Variants in LRFN2 observed in about 807,000 individuals in gnomAD.
The protein encoded by LRFN2 is leucine-rich repeat and fibronectin type-III domain-containing protein 2.
A neutral mutation model predicts 37.3 loss-of-function variants in LRFN2; 18 were observed. The observed-to-expected ratio is 0.48, with a 90% confidence interval of 0.33 to 0.72. The LOEUF (loss-of-function observed/expected upper bound fraction) is 0.72. Ranked by LOEUF, LRFN2 falls within the 30% of genes least tolerant of loss-of-function variation. LRFN2 has a pLI of 0.02. For synonymous variants in LRFN2, 556 were observed against 466.6 expected, an observed-to-expected ratio of 1.19 and a Z score of -2.47; for missense variants, 1,006 against 1,060.7, an observed-to-expected ratio of 0.95 and a Z score of 0.72.
At chr6:40,422,426 A>G (rs751586882) in intron 2 of LRFN2, among the ~76,000 whole-genome samples, 2 of 152,120 alleles carry the variant, frequency 1.3e-5, no homozygotes, top group Non-Finnish European at 2.9e-5. Flanking sequence ...CACCAACCCA[A>G]GCTGACTCAG....
At chr6:40,433,192 G>T in intron 1 of LRFN2, 61 bp from the exon 2 acceptor site, 1 of 1,398,704 alleles carries the variant, frequency 7.1e-7, no homozygotes, top group Non-Finnish European at 9.6e-7. Flanking sequence ...CTCACCCAGA[G>T]CTTCCTCCCT....
chr6:40,391,695 G>T lies in LRFN2; in HGVS notation c.*248C>A, dbSNP rs901992128. 1 of 389,410 alleles carries T rather than the reference G, an allele frequency of 2.6e-6. No individual in the cohort carries two copies. The highest frequency in any genetic ancestry group is 3.9e-5 in the East Asian group (1 of 25,564). 24.1% of individuals were successfully genotyped at this position (389,410 alleles called of 1,614,324 possible). A position where few individuals can be genotyped will look rare whatever the true frequency, so the allele number is the denominator to read the frequency against. ...TTTGTGATTAGAAAGGCGGAGTCTC[G>T]CCTTTCCAAACACTCAGGGCTCAGT... On this transcript the variant is annotated 3_prime_UTR_variant, in exon 3 of 3. Transcript: ENST00000338305.
chr6:40,577,099 T>TC lies in LRFN2; in HGVS notation c.-19+9841_-19+9842insG, dbSNP rs1242459420. On this transcript the variant is annotated intron_variant, in intron 1 of 2. Transcript: ENST00000338305. ...GCCCATTTTCTTTTCTTTTCTTTTC[T>TC]TTTCCTTTCTTTTCTTTTTAGATAT... is the stretch of plus-strand genomic sequence containing the variant. 2.0e-4 allele frequency among the ~76,000 whole-genome samples: 9 copies of TC among 45,002 alleles called. 1 individual carries two copies. Among genetic ancestry groups the TC allele is most frequent in the African/African-American group, 5.5e-4 (5 of 9,170 alleles). The allele number at this position is 45,002 out of a possible 152,430, so 29.5% of individuals were successfully genotyped here.
At chr6:40,436,100 T>C (rs1156829950) in intron 1 of LRFN2, among the ~76,000 whole-genome samples, 1 of 152,222 alleles carries the variant, frequency 6.6e-6, no homozygotes, top group African/African-American at 2.4e-5. Context: ...TAACTAGCTA[T>C]ATCAAAATAT....
At chr6:40,562,827 G>GCACACA (rs1475976500) in intron 1 of LRFN2, among the ~76,000 whole-genome samples, 82 of 148,090 alleles carry the variant, frequency 5.5e-4, no homozygotes, top group Admixed American at 8.0e-4. Context: ...TTATGTGCGT[G>GCACACA]CACTCACTCA....
rs949105430 is a variant in LRFN2, at chr6:40,409,894, G to A, written c.1401-16982C>T. ...GCTGAGTTGCTGCATCATCCTGCCT[G>A]CTGCCTCACCCCACGGAGAGTTGCC... On this transcript the variant is annotated intron_variant, in intron 2 of 2. Coordinates refer to ENST00000338305, the MANE Select transcript of LRFN2 (RefSeq NM_020737.3). Among the ~76,000 whole-genome samples the A allele has an allele frequency of 3.3e-5, 5 of 152,300 alleles. No homozygotes were observed. In the East Asian group the frequency reaches 9.7e-4, roughly 29 times the overall value.
In LRFN2 at chr6:40,491,492, C is replaced by T. The variant is rs537719226; in HGVS notation, c.-18-58361G>A. ...TGACTGTGGGTAGGTAGGCAGCTTA[C>T]CCTCTCTGAGTGTGTTTCCCTCACT... On this transcript the variant is annotated intron_variant, in intron 1 of 2. Coordinates refer to ENST00000338305, the MANE Select transcript of LRFN2 (RefSeq NM_020737.3). 6.0e-5 allele frequency among the ~76,000 whole-genome samples: 9 copies of T among 150,452 alleles called. No homozygotes were observed. In the South Asian group the frequency reaches 1.9e-3, roughly 32 times the overall value.
chr6:40,576,812 G>A (rs375903609), intron 1 of LRFN2, among the ~76,000 whole-genome samples: 14 of 152,010 alleles, frequency 9.2e-5, no homozygotes, highest in African/African-American at 3.4e-4. Flanking sequence ...GGCTTCAGTC[G>A]GGTCCCACCC....
chr6:40,535,932 A>G, intron 1 of LRFN2, among the ~76,000 whole-genome samples: 1 of 152,100 alleles, frequency 6.6e-6, no homozygotes, highest in South Asian at 2.1e-4. Flanking sequence ...GTCACCTGGT[A>G]TTGCAGCTGG....
intron 1 of LRFN2, among the ~76,000 whole-genome samples, chr6:40,551,235 G>A (rs1766773399): frequency 6.6e-6 from 1 of 152,200 alleles, no homozygotes; most frequent in Admixed American, 6.5e-5. Flanking sequence ...TGCATTCCGG[G>A]CACTATTCTG....
In LRFN2 at chr6:40,470,343, G is replaced by C. The variant is rs530493689; in HGVS notation, c.-18-37212C>G. ...AAGACGCTGTGTGGCTGGGCGCAGT[G>C]GCTCACGCCTGTAATCCCAGCACTT... On this transcript the variant is annotated intron_variant, in intron 1 of 2. Transcript: ENST00000338305. 2.6e-5 allele frequency among the ~76,000 whole-genome samples: 4 copies of C among 152,346 alleles called. No homozygotes were observed. The South Asian group carries it at 8.3e-4, about 32-fold the overall frequency.
At chr6:40,418,358 G>A (rs1330524309) in intron 2 of LRFN2, among the ~76,000 whole-genome samples, 3 of 151,952 alleles carry the variant, frequency 2.0e-5, no homozygotes, top group Non-Finnish European at 1.5e-5. Context: ...TTTCTTCCTC[G>A]TGTACATTTT....
At chr6:40,581,672 T>A (rs1283626570) in intron 1 of LRFN2, among the ~76,000 whole-genome samples, 1 of 152,222 alleles carries the variant, frequency 6.6e-6, no homozygotes, top group Non-Finnish European at 1.5e-5. Flanking sequence ...AGGCCTTATC[T>A]TACAGTCATT....
At chr6:40,497,244 G>A (rs184226308) in intron 1 of LRFN2, among the ~76,000 whole-genome samples, 7 of 152,192 alleles carry the variant, frequency 4.6e-5, no homozygotes, top group Admixed American at 4.6e-4. Flanking sequence ...CCCCCCAGAT[G>A]TCCCTTACCA....
At chr6:40,560,060 G>C (rs1385988192) in intron 1 of LRFN2, among the ~76,000 whole-genome samples, 1 of 152,220 alleles carries the variant, frequency 6.6e-6, no homozygotes, top group Non-Finnish European at 1.5e-5. Context: ...GGTTAGCCCT[G>C]GGTGGAGCAC....
chr6:40,454,012 G>A (rs1178036147), intron 1 of LRFN2, among the ~76,000 whole-genome samples: 2 of 152,136 alleles, frequency 1.3e-5, no homozygotes, highest in African/African-American at 2.4e-5. Flanking sequence ...ATCTTGCTAG[G>A]AATGACTCTG....
At chr6:40,405,032 C>T (rs1444595770) in intron 2 of LRFN2, among the ~76,000 whole-genome samples, 5 of 152,226 alleles carry the variant, frequency 3.3e-5, no homozygotes, top group African/African-American at 7.2e-5. Flanking sequence ...CTTGCCTTCC[C>T]CACAGTCCTC....
intron 1 of LRFN2, among the ~76,000 whole-genome samples, chr6:40,460,209 A>G (rs1444631574): frequency 6.6e-6 from 1 of 152,190 alleles, no homozygotes; most frequent in Non-Finnish European, 1.5e-5. Context: ...CAACCGAGAC[A>G]GTGAAACTAC....
chr6:40,522,568 A>G (rs1766112573), intron 1 of LRFN2, among the ~76,000 whole-genome samples: 1 of 152,144 alleles, frequency 6.6e-6, no homozygotes, highest in Non-Finnish European at 1.5e-5. Context: ...CCCTAACAAC[A>G]GGTGACCAGC....
Sources: gnomAD v4.1 joint callset for allele counts (sites outside exome capture counted in the v4.1 genomes callset) on GRCh38, gnomAD v4.1.1 for gene constraint, MANE v1.5 for transcripts, NCBI Gene and HGNC (gene_info 2026-07-23, HGNC 2026-07-21) for gene names.